STARD4: variants seen among roughly 807,000 people sequenced by gnomAD.
The protein encoded by STARD4 is stAR-related lipid transfer protein 4.
Under a neutral mutation model 24.9 loss-of-function variants are expected in STARD4, and 33 were observed. That is an observed-to-expected ratio of 1.32 (90% CI 1.00 to 1.77). STARD4 has a LOEUF of 1.77. Ranked by LOEUF, STARD4 falls within the 40% of genes most tolerant of loss-of-function variation. The probability of loss-of-function intolerance (pLI) is 0.00; values close to 1 mark genes in which losing one functional copy is unlikely to be tolerated. For synonymous variants in STARD4, 88 were observed against 77.4 expected, an observed-to-expected ratio of 1.14 and a Z score of -0.72; for missense variants, 238 against 249.3, an observed-to-expected ratio of 0.95 and a Z score of 0.31.
At chr5:111,500,169 A>T in intron 5 of STARD4, 63 bp from the exon 6 acceptor site, 11 of 1,446,476 alleles carry the variant, frequency 7.6e-6, no homozygotes, top group Non-Finnish European at 9.1e-6. Flanking sequence ...CTCTCATTTT[A>T]AAATATTACC....
intron 5 of STARD4, 181 bp from the exon 6 acceptor site, chr5:111,500,287 G>A: frequency 4.5e-6 from 6 of 1,336,004 alleles, no homozygotes; most frequent in Non-Finnish European, 5.7e-6. Flanking sequence ...TCTGACAAGA[G>A]GTTGGCAGAT....
chr5:111,507,577 T>C lies in STARD4; in HGVS notation c.-9-135A>G. The C allele has an allele frequency of 1.8e-6, 1 of 560,794 alleles. No individual in the cohort carries two copies. Among genetic ancestry groups the C allele is most frequent in the Non-Finnish European group, 3.0e-6 (1 of 331,022 alleles). 34.7% of individuals were successfully genotyped at this position (560,794 alleles called of 1,614,324 possible). Reference sequence around the variant, plus strand: ...ATAGCTACCCTCACCCCAAATCAACTAATCATAATCTCTGAGAGTAGGACC... The same window carrying C: ...ATAGCTACCCTCACCCCAAATCAACCAATCATAATCTCTGAGAGTAGGACC... On this transcript the variant is annotated intron_variant, in intron 1 of 5. Coordinates refer to ENST00000296632, the MANE Select transcript of STARD4 (RefSeq NM_139164.3). This position sits in a 1 kb window ranked among gnomAD's most constrained non-coding sequence, Gnocchi z 4.4.
At chr5:111,506,193 CAAAA>C (rs878865342) in intron 3 of STARD4, 133 bp downstream of exon 3, 409 of 81,102 alleles carry the variant, frequency 5.0e-3, no homozygotes, top group South Asian at 0.014. Context: ...GACTCTGTCT[CAAAA>C]AAAAAAAAAA....
rs527820816 is a variant in STARD4, at chr5:111,507,134, A to C, written c.105+195T>G. On this transcript the variant is annotated intron_variant, in intron 2 of 5. Coordinates refer to ENST00000296632, the MANE Select transcript of STARD4 (RefSeq NM_139164.3). The surrounding 1 kb of genome is among the most constrained non-coding windows in gnomAD (Gnocchi z 4.4). ...TAATATCCAAAGAGCTAATGAAAGC[A>C]GTATAGGATTACCACTGATGCATTT... Among the ~76,000 whole-genome samples the C allele has an allele frequency of 6.6e-6, 1 of 152,330 alleles. No individual in the cohort carries two copies. Among genetic ancestry groups the C allele is most frequent in the East Asian group, 1.9e-4 (1 of 5,184 alleles).
At position 111,498,896 on chromosome 5, in the gene STARD4, AAACAC is replaced by A. The variant is rs1371893217; in HGVS notation, c.*985_*989del. On this transcript the variant is annotated 3_prime_UTR_variant, in exon 6 of 6. Transcript: ENST00000296632. ...ATTTATTCTTTCTTTACACTCAAGA[AAACAC>A]AATAAAGTAAAACACAGATCAAACT... 2 of 152,220 alleles carry A rather than the reference AAACAC, an allele frequency of 1.3e-5. No homozygotes were observed. Among genetic ancestry groups the A allele is most frequent in the African/African-American group, 4.8e-5 (2 of 41,468 alleles). 9.4% of individuals were successfully genotyped at this position (152,220 alleles called of 1,614,324 possible).
intron 3 of STARD4, among the ~76,000 whole-genome samples, chr5:111,503,576 C>T (rs1395599812): frequency 6.6e-6 from 1 of 152,114 alleles, no homozygotes; most frequent in Non-Finnish European, 1.5e-5. Context: ...CTGCAGTGAG[C>T]TGAGATTGCG....
chr5:111,500,355 CT>C, intron 5 of STARD4: 2 of 1,177,458 alleles, frequency 1.7e-6, no homozygotes, highest in Non-Finnish European at 2.1e-6. Flanking sequence ...CATCTTAGTA[CT>C]CCTTGGAAGC....
In STARD4 at chr5:111,500,816, T is replaced by C. The variant is rs1379887459; in HGVS notation, c.397+186A>G. 8.2e-5 allele frequency: 123 copies of C among 1,491,590 alleles called. No individual in the cohort carries two copies. The South Asian group carries it at 8.5e-4, about 10-fold the overall frequency. The allele number at this position is 1,491,590 out of a possible 1,614,324, so 92.4% of individuals were successfully genotyped here. ...CTGTGTAACTGGGAACAAAAACTTATCAGAAGGGTTTCAAAACTCTTTTGA... is the reference window on the plus strand; with the variant it reads ...CTGTGTAACTGGGAACAAAAACTTACCAGAAGGGTTTCAAAACTCTTTTGA... On this transcript the variant is annotated intron_variant, in intron 5 of 5. Transcript: ENST00000296632.
intron 2 of STARD4, among the ~76,000 whole-genome samples, chr5:111,506,982 T>A (rs1756907957): frequency 6.6e-6 from 1 of 152,190 alleles, no homozygotes; most frequent in South Asian, 2.1e-4. Context: ...ATAGGCTTTT[T>A]GATATACCTG....
In STARD4 at chr5:111,499,720, AGAT is replaced by A; in HGVS notation, c.*163_*165del. The A allele has an allele frequency of 1.6e-6, 1 of 640,206 alleles. No homozygotes were observed. Among genetic ancestry groups the A allele is most frequent in the Non-Finnish European group, 2.7e-6 (1 of 375,648 alleles). The allele number at this position is 640,206 out of a possible 1,614,324, so 39.7% of individuals were successfully genotyped here. ...AAAAAAAGTGAAAATGCCCTCTCTT[AGAT>A]AGCTATTTACTTTAGGAATAAAACC... On this transcript the variant is annotated 3_prime_UTR_variant, in exon 6 of 6. Transcript: ENST00000296632.
At chr5:111,505,630 T>C (rs1756796345) in intron 3 of STARD4, among the ~76,000 whole-genome samples, 1 of 152,186 alleles carries the variant, frequency 6.6e-6, no homozygotes, top group Non-Finnish European at 1.5e-5. Context: ...TTTATAATTT[T>C]TAATATTATA....
intron 2 of STARD4, among the ~76,000 whole-genome samples, chr5:111,506,769 CATTT>C (rs1384492154): frequency 6.6e-6 from 1 of 152,186 alleles, no homozygotes; most frequent in African/African-American, 2.4e-5. Flanking sequence ...AAACAATTCA[CATTT>C]ATTACGACAG....
At chr5:111,503,361 T>G (rs935074414) in intron 3 of STARD4, among the ~76,000 whole-genome samples, 13 of 152,208 alleles carry the variant, frequency 8.5e-5, no homozygotes, top group African/African-American at 2.9e-4. Flanking sequence ...CCAGGCGCGG[T>G]GGCTCATGCC....
In STARD4 at chr5:111,496,989, CACAA is replaced by C. The variant is rs1756133337; in HGVS notation, c.*2893_*2896del. The C allele has an allele frequency of 6.6e-6, 1 of 151,762 alleles. No homozygotes were observed. The highest frequency in any genetic ancestry group is 2.4e-5 in the African/African-American group (1 of 41,324). 9.4% of individuals were successfully genotyped at this position (151,762 alleles called of 1,614,324 possible). ...TTAAGGGTTAACTAAGAGTTATCAA[CACAA>C]ACTAATATTTCATGCAAAAGTATCA... On this transcript the variant is annotated 3_prime_UTR_variant, in exon 6 of 6. Coordinates refer to ENST00000296632, the MANE Select transcript of STARD4 (RefSeq NM_139164.3).
rs533339292 is a variant in STARD4, at chr5:111,507,002, C to T, written c.105+327G>A. ...CTTTTTGATATACCTGAAACTATTCCAAACTCTCAAGTACTACACTTTCTT... is the reference window on the plus strand; with the variant it reads ...CTTTTTGATATACCTGAAACTATTCTAAACTCTCAAGTACTACACTTTCTT... On this transcript the variant is annotated intron_variant, in intron 2 of 5. Transcript: ENST00000296632. This position sits in a 1 kb window ranked among gnomAD's most constrained non-coding sequence, Gnocchi z 4.4. Among the ~76,000 whole-genome samples the T allele has an allele frequency of 6.6e-6, 1 of 152,228 alleles. No homozygotes were observed. The highest frequency in any genetic ancestry group is 2.1e-4 in the South Asian group (1 of 4,828).
At chr5:111,510,825 A>G (rs1757211491) in intron 1 of STARD4, among the ~76,000 whole-genome samples, 1 of 152,222 alleles carries the variant, frequency 6.6e-6, no homozygotes, top group African/African-American at 2.4e-5. Context: ...CATAGGTTCT[A>G]TTTTAAATAT....
At position 111,501,061 on chromosome 5, in the gene STARD4, G is replaced by T; in HGVS notation, c.338C>A (p.Pro113Gln). 1 of 1,612,428 alleles carries T rather than the reference G, an allele frequency of 6.2e-7. No individual in the cohort carries two copies. The highest frequency in any genetic ancestry group is 8.5e-7 in the Non-Finnish European group (1 of 1,179,610). The stretch of plus-strand genomic sequence containing the variant: ...ATAGGAGAAATCAACAAATTCTCTT[G>T]GGGAAATTATATTCCAAAGCTGACC... Reference protein sequence around the residue: ...TAGQLWNIISPREFVDFSYTV... With the variant: ...TAGQLWNIISQREFVDFSYTV... Residue 113 changes from proline to glutamine, a missense_variant, in exon 5 of 6, where the codon CCA becomes CAA. Coordinates refer to ENST00000296632, the MANE Select transcript of STARD4 (RefSeq NM_139164.3).
At chr5:111,509,233 A>G (rs1757074266) in intron 1 of STARD4, among the ~76,000 whole-genome samples, 2 of 152,178 alleles carry the variant, frequency 1.3e-5, no homozygotes, top group South Asian at 4.1e-4. Flanking sequence ...CATATTCTTT[A>G]AACCCAAAGG....
At chr5:111,500,611 G>C (rs1580844478) in intron 5 of STARD4, 4 of 1,120,988 alleles carry the variant, frequency 3.6e-6, no homozygotes, top group Non-Finnish European at 4.3e-6. Context: ...ATCTTGAAAA[G>C]AAAAATACAA....
Sources: allele counts gnomAD v4.1 joint callset (sites outside exome capture counted in the v4.1 genomes callset), GRCh38; gene constraint gnomAD v4.1.1; non-coding constraint Gnocchi (gnomAD v3.1); transcripts MANE v1.5; gene names NCBI Gene and HGNC (gene_info 2026-07-23, HGNC 2026-07-21).